Variants in CREBL2 observed in about 807,000 individuals in gnomAD.
The protein encoded by CREBL2 is cAMP-responsive element-binding protein-like 2.
In CREBL2, 4 loss-of-function variants were observed where a neutral mutation model predicts 19.5. That is an observed-to-expected ratio of 0.20 (90% CI 0.10 to 0.47). CREBL2 has a LOEUF of 0.47. CREBL2 is among the 20% of genes least tolerant of loss of function. The pLI is 0.98. For synonymous variants in CREBL2, 42 were observed against 46.6 expected (o/e 0.90, Z 0.40); for missense variants, 85 against 145.1 (o/e 0.59, Z 2.13).
chr12:12,612,211 C>G lies in CREBL2; in HGVS notation c.15+24C>G, dbSNP rs555741470. 5 of 1,613,486 alleles carry G rather than the reference C, an allele frequency of 3.1e-6. No individual in the cohort carries two copies. In the South Asian group the frequency reaches 5.5e-5, roughly 18 times the overall value. On this transcript the variant is annotated intron_variant, in intron 1 of 3. Transcript: ENST00000228865. ...AGGTAAGTCTTGTGGTTTGCACGCG[C>G]CGCCGCCTTCTTGTCGCTCAATGCT...
chr12:12,633,097 C>T (rs934541551), intron 1 of CREBL2, among the ~76,000 whole-genome samples: 13 of 151,560 alleles, frequency 8.6e-5, no homozygotes, highest in Admixed American at 2.0e-4. Flanking sequence ...CCACCGTGCC[C>T]GGCTAAGTTT....
chr12:12,631,902 T>A (rs1945444746), intron 1 of CREBL2, among the ~76,000 whole-genome samples: 1 of 152,110 alleles, frequency 6.6e-6, no homozygotes, highest in Non-Finnish European at 1.5e-5. Flanking sequence ...TGTGTTATAC[T>A]TACTCTCTTA....
chr12:12,632,068 C>CTTTTTTTTTTTTTTTTTTTTTTT (rs869253910), intron 1 of CREBL2, among the ~76,000 whole-genome samples: 1 of 80,598 alleles, frequency 1.2e-5, no homozygotes, highest in African/African-American at 5.2e-5. Context: ...CTATGCCTTT[C>CTTTTTTTTTTTTTTTTTTTTTTT]TTTTTTTTTT....
intron 1 of CREBL2, among the ~76,000 whole-genome samples, chr12:12,612,810 A>G (rs1469952049): frequency 6.6e-6 from 1 of 152,258 alleles, no homozygotes; most frequent in Admixed American, 6.5e-5. Context: ...TTATGATTAT[A>G]AAATAATAGA....
chr12:12,636,085 A>G (rs200641428), intron 2 of CREBL2, 111 bp downstream of exon 2: 1 of 1,023,456 alleles, frequency 9.8e-7, no homozygotes, highest in Admixed American at 2.6e-5. Flanking sequence ...AACATTGGAG[A>G]GAATATTAAT....
intron 1 of CREBL2, among the ~76,000 whole-genome samples, chr12:12,619,799 T>C (rs10772585): frequency 0.48 from 72,718 of 152,054 alleles, 19,844 homozygotes; most frequent in Non-Finnish European, 0.6. Context: ...GAGGGACTGA[T>C]GCAGGAGTGG....
chr12:12,642,579 A>T lies in CREBL2; in HGVS notation c.*581A>T, dbSNP rs376724059. 6.6e-6 allele frequency: 1 copy of T among 152,614 alleles called. No individual in the cohort carries two copies. The highest frequency in any genetic ancestry group is 1.9e-4 in the East Asian group (1 of 5,202). 9.5% of individuals were successfully genotyped at this position (152,614 alleles called of 1,614,324 possible). ...GCTGTGAATATGTATTAACAAATATATACATTTCTATTTTTATAATCCATA... is the reference window on the plus strand; with the variant it reads ...GCTGTGAATATGTATTAACAAATATTTACATTTCTATTTTTATAATCCATA... On this transcript the variant is annotated 3_prime_UTR_variant, in exon 4 of 4. Transcript: ENST00000228865.
In CREBL2 at chr12:12,612,112, C is replaced by G; in HGVS notation, c.-61C>G. 6.2e-7 allele frequency: 1 copy of G among 1,600,320 alleles called. No individual in the cohort carries two copies. The highest frequency in any genetic ancestry group is 8.5e-7 in the Non-Finnish European group (1 of 1,174,578). On this transcript the variant is annotated 5_prime_UTR_variant, in exon 1 of 4. Coordinates refer to ENST00000228865, the MANE Select transcript of CREBL2 (RefSeq NM_001310.4). Reference sequence around the variant, plus strand: ...CCTCGGGGCGGGGGCCGGGCCAGGCCGGCTGAGCCGGGGGAGGGCTCCGGG... The same window carrying G: ...CCTCGGGGCGGGGGCCGGGCCAGGCGGGCTGAGCCGGGGGAGGGCTCCGGG...
At chr12:12,619,772 G>A (rs1342486995) in intron 1 of CREBL2, among the ~76,000 whole-genome samples, 1 of 152,150 alleles carries the variant, frequency 6.6e-6, no homozygotes, top group Non-Finnish European at 1.5e-5. Flanking sequence ...AATATCCTAA[G>A]GCGTCAAGAT....
chr12:12,612,178 T>G lies in CREBL2; in HGVS notation c.6T>G (p.Asp2Glu), dbSNP rs780626193. The G allele has an allele frequency of 2.4e-5, 39 of 1,613,328 alleles. No individual in the cohort carries two copies. The South Asian group carries it at 3.4e-4, about 14-fold the overall frequency. ...AGGCCGGCCTGTCTGCCGCGATGGA[T>G]GACAGTAAGGTAAGTCTTGTGGTTT... M[D>E]DSKVVGGKVK... Residue 2 changes from aspartate (D) to glutamate (E), a missense_variant, in exon 1 of 4, where the codon GAT (aspartate) becomes GAG (glutamate). Coordinates refer to ENST00000228865, the MANE Select transcript of CREBL2 (RefSeq NM_001310.4).
chr12:12,640,837 T>G (rs928441205), intron 3 of CREBL2, among the ~76,000 whole-genome samples: 2 of 152,232 alleles, frequency 1.3e-5, no homozygotes, highest in Admixed American at 1.3e-4. Flanking sequence ...TTCTTTTCAC[T>G]TTGTTGATAG....
chr12:12,626,146 A>T (rs1945399487), intron 1 of CREBL2, among the ~76,000 whole-genome samples: 1 of 152,178 alleles, frequency 6.6e-6, no homozygotes, highest in Admixed American at 6.5e-5. Context: ...GAATCTTTGG[A>T]ATAGGATTAA....
At chr12:12,636,047 A>G in intron 2 of CREBL2, 73 bp downstream of exon 2, 1 of 1,354,614 alleles carries the variant, frequency 7.4e-7, no homozygotes, top group African/African-American at 1.5e-5. Flanking sequence ...AAATACGAAA[A>G]TACCAGTTAT....
At chr12:12,616,782 CTCG>C (rs1945314890) in intron 1 of CREBL2, among the ~76,000 whole-genome samples, 1 of 152,164 alleles carries the variant, frequency 6.6e-6, no homozygotes, top group Admixed American at 6.5e-5. Flanking sequence ...GTCACACTCT[CTCG>C]TCCCATTTTC....
chr12:12,638,942 T>C (rs1314202341), intron 3 of CREBL2, among the ~76,000 whole-genome samples: 1 of 152,216 alleles, frequency 6.6e-6, no homozygotes, highest in African/African-American at 2.4e-5. Flanking sequence ...AAGAAAATCC[T>C]GAACCCATTA....
At chr12:12,617,542 G>A (rs992459862) in intron 1 of CREBL2, among the ~76,000 whole-genome samples, 1 of 147,200 alleles carries the variant, frequency 6.8e-6, no homozygotes, top group Admixed American at 6.8e-5. Flanking sequence ...CTAACACATA[G>A]TAGGCTCTCA....
chr12:12,618,212 G>A (rs973365581), intron 1 of CREBL2, among the ~76,000 whole-genome samples: 2 of 150,944 alleles, frequency 1.3e-5, no homozygotes, highest in African/African-American at 2.5e-5. Context: ...CTGCCGGGCG[G>A]AGACGCTCCT....
intron 1 of CREBL2, among the ~76,000 whole-genome samples, chr12:12,619,766 T>C (rs2136300353): frequency 1.3e-5 from 2 of 152,328 alleles, no homozygotes; most frequent in Middle Eastern, 6.8e-3. Context: ...AATTGAAATA[T>C]CCTAAGGCGT....
intron 1 of CREBL2, among the ~76,000 whole-genome samples, chr12:12,612,526 T>A (rs1264782893): frequency 2.0e-5 from 3 of 152,208 alleles, no homozygotes; most frequent in Admixed American, 6.5e-5. Context: ...CTCTCCAGTT[T>A]GGAGACTTTA....
Sources: gnomAD v4.1 joint callset for allele counts (sites outside exome capture counted in the v4.1 genomes callset) on GRCh38, gnomAD v4.1.1 for gene constraint, MANE v1.5 for transcripts, NCBI Gene and HGNC (gene_info 2026-07-23, HGNC 2026-07-21) for gene names.